KHDRBS2: variants seen among roughly 807,000 people sequenced by gnomAD.
KHDRBS2 encodes the protein KH domain-containing, RNA-binding, signal transduction-associated protein 2.
A neutral mutation model predicts 44.3 loss-of-function variants in KHDRBS2; 26 were observed. The observed-to-expected ratio is 0.59, with a 90% CI of 0.43 to 0.81. The LOEUF is 0.81. Among genes scored for constraint, KHDRBS2 ranks in the 40% least tolerant of loss-of-function variants. The pLI, the probability that KHDRBS2 is intolerant of heterozygous loss-of-function variation, is 0.00. For missense variants in KHDRBS2, 476 were observed against 433.1 expected (o/e 1.10, Z -0.88); for synonymous variants, 194 against 151.1 (o/e 1.28, Z -2.08).
intron 6 of KHDRBS2, among the ~76,000 whole-genome samples, chr6:61,757,951 C>A (rs1451278602): frequency 2.6e-5 from 4 of 152,088 alleles, no homozygotes; most frequent in African/African-American, 9.7e-5. Flanking sequence ...AGTCATTTTC[C>A]CCCGAACTCA....
chr6:62,047,159 C>G (rs1317454875), intron 3 of KHDRBS2, among the ~76,000 whole-genome samples: 1 of 151,890 alleles, frequency 6.6e-6, no homozygotes, highest in Non-Finnish European at 1.5e-5. Context: ...TCAAATGATA[C>G]TACGAAATAC....
intron 6 of KHDRBS2, among the ~76,000 whole-genome samples, chr6:61,829,640 T>C (rs932854855): frequency 6.6e-6 from 1 of 152,184 alleles, no homozygotes; most frequent in East Asian, 1.9e-4. Context: ...GAAACACAGA[T>C]ATTTATATAG....
intron 2 of KHDRBS2, among the ~76,000 whole-genome samples, chr6:62,077,632 G>C (rs1796600265): frequency 6.6e-6 from 1 of 151,864 alleles, no homozygotes; most frequent in South Asian, 2.1e-4. Context: ...TACTCACCTG[G>C]TGCCACCCCT....
chr6:62,232,913 T>C (rs111921288), intron 1 of KHDRBS2, among the ~76,000 whole-genome samples: 1 of 152,140 alleles, frequency 6.6e-6, no homozygotes, highest in Non-Finnish European at 1.5e-5. Context: ...CAGACCTTGA[T>C]TCTCCTTGCT....
the KHDRBS2 span, among the ~76,000 whole-genome samples, chr6:61,558,494 T>G: frequency 2.0e-5 from 3 of 152,226 alleles, no homozygotes; most frequent in Non-Finnish European, 4.4e-5. Flanking sequence ...CCCAGGATGT[T>G]GAGGCTGCAG....
chr6:61,674,696 A>G, the KHDRBS2 span, among the ~76,000 whole-genome samples: 1 of 151,746 alleles, frequency 6.6e-6, no homozygotes, highest in African/African-American at 2.4e-5. Flanking sequence ...TTTACTTACT[A>G]CATGATTTTT....
chr6:62,150,992 T>A (rs561729757), intron 2 of KHDRBS2, among the ~76,000 whole-genome samples: 2 of 152,118 alleles, frequency 1.3e-5, no homozygotes, highest in African/African-American at 4.8e-5. Flanking sequence ...TTTGTAAGAT[T>A]TCCCCCCTTC....
the KHDRBS2 span, among the ~76,000 whole-genome samples, chr6:61,670,342 A>T: frequency 6.6e-6 from 1 of 151,528 alleles, no homozygotes; most frequent in Admixed American, 6.6e-5. Flanking sequence ...TGATAAAAGG[A>T]TTCCAGAGAA....
At chr6:61,658,415 T>C in the KHDRBS2 span, among the ~76,000 whole-genome samples, 2 of 151,928 alleles carry the variant, frequency 1.3e-5, no homozygotes, top group African/African-American at 4.8e-5. Flanking sequence ...TTTTACTTTC[T>C]GTCCACATCT....
the KHDRBS2 span, among the ~76,000 whole-genome samples, chr6:61,644,262 T>C: frequency 6.6e-6 from 1 of 152,188 alleles, no homozygotes; most frequent in African/African-American, 2.4e-5. Flanking sequence ...TGCAGATGAT[T>C]GAAACTGGAC....
chr6:62,162,845 G>T (rs1421142423), intron 2 of KHDRBS2, among the ~76,000 whole-genome samples: 1 of 152,026 alleles, frequency 6.6e-6, no homozygotes, highest in Non-Finnish European at 1.5e-5. Context: ...GGTGTCCATG[G>T]TTTTTGACAT....
chr6:61,850,081 A>G (rs1201382152), intron 6 of KHDRBS2, among the ~76,000 whole-genome samples: 1 of 152,152 alleles, frequency 6.6e-6, no homozygotes, highest in Non-Finnish European at 1.5e-5. Flanking sequence ...GTTAACTCTA[A>G]GCCTTTACAC....
intron 6 of KHDRBS2, among the ~76,000 whole-genome samples, chr6:61,872,956 A>G (rs1380202095): frequency 6.6e-6 from 1 of 152,124 alleles, no homozygotes; most frequent in Admixed American, 6.5e-5. Context: ...CATTGCACTG[A>G]TAAAACTGGT....
At chr6:61,727,782 C>T (rs73474512) in intron 7 of KHDRBS2, among the ~76,000 whole-genome samples, 8,420 of 151,192 alleles carry the variant, frequency 0.056, 367 homozygotes, top group African/African-American at 0.11. Flanking sequence ...AAAACATGCT[C>T]GTGAAGTTGC....
At chr6:61,805,825 CG>C (rs1554217504) in intron 6 of KHDRBS2, among the ~76,000 whole-genome samples, 1 of 152,124 alleles carries the variant, frequency 6.6e-6, no homozygotes, top group Non-Finnish European at 1.5e-5. Flanking sequence ...GCCCAAAATG[CG>C]GGGATTACAA....
intron 2 of KHDRBS2, among the ~76,000 whole-genome samples, chr6:62,054,274 C>T (rs190501756): frequency 8.5e-5 from 13 of 152,176 alleles, no homozygotes; most frequent in African/African-American, 2.6e-4. Flanking sequence ...TATCAAGATT[C>T]ATCATAAACC....
rs189700723 is a variant in KHDRBS2, at chr6:61,714,777, T to G, written c.894-17524A>C. Among the ~76,000 whole-genome samples the G allele has an allele frequency of 7.5e-3, 1,147 of 152,046 alleles. 10 individuals carry two copies. Among genetic ancestry groups the G allele is most frequent in the Non-Finnish European group, 0.013 (868 of 67,912 alleles). ...TGGATGGAACTGGAGGCTACTATCT[T>G]AAGTGAAATAACTTAAACACAGAAA... is the stretch of plus-strand genomic sequence containing the variant. On this transcript the variant is annotated intron_variant, in intron 7 of 8. Transcript: ENST00000281156.
intron 4 of KHDRBS2, among the ~76,000 whole-genome samples, chr6:61,922,282 G>C (rs1471185644): frequency 6.6e-6 from 1 of 151,952 alleles, no homozygotes; most frequent in East Asian, 1.9e-4. Flanking sequence ...GAAGTATGGG[G>C]AACAACTGTG....
chr6:61,686,657 G>A (rs1766843401), intron 8 of KHDRBS2, among the ~76,000 whole-genome samples: 1 of 151,516 alleles, frequency 6.6e-6, no homozygotes, highest in African/African-American at 2.4e-5. Context: ...TTTCCTACAA[G>A]GTAGCTGTTG....
Sources: gnomAD v4.1 joint callset for allele counts (sites outside exome capture counted in the v4.1 genomes callset) on GRCh38, gnomAD v4.1.1 for gene constraint, MANE v1.5 for transcripts, NCBI Gene and HGNC (gene_info 2026-07-23, HGNC 2026-07-21) for gene names.